The following GALNT10 variants were observed in gnomAD, a reference collection of about 807,000 sequenced individuals.
GALNT10 encodes polypeptide N-acetylgalactosaminyltransferase 10.
Under a neutral mutation model 75.0 loss-of-function variants are expected in GALNT10, and 41 were observed. The observed-to-expected ratio is 0.55, with a 90% confidence interval of 0.43 to 0.71. The LOEUF is 0.71. Among genes scored for constraint, GALNT10 ranks in the 30% least tolerant of loss-of-function variants. The probability of loss-of-function intolerance (pLI) is 0.00; values close to 1 mark genes in which losing one functional copy is unlikely to be tolerated. For synonymous variants in GALNT10, 302 were observed against 313.0 expected (o/e 0.96, Z 0.37); for missense variants, 727 against 818.5 (o/e 0.89, Z 1.36).
intron 4 of GALNT10, among the ~76,000 whole-genome samples, chr5:154,355,011 T>C (rs2113148237): frequency 6.6e-6 from 1 of 152,396 alleles, no homozygotes; most frequent in South Asian, 2.1e-4. Context: ...GTTGTGGTAC[T>C]GTTTGTGCAT....
intron 7 of GALNT10, among the ~76,000 whole-genome samples, chr5:154,398,121 A>G (rs1321360704): frequency 1.3e-5 from 2 of 152,238 alleles, no homozygotes; most frequent in Admixed American, 6.5e-5. Context: ...TGGTGCTTCT[A>G]TGAGAAGACT....
chr5:154,286,050 T>TC (rs1458325262), intron 1 of GALNT10, among the ~76,000 whole-genome samples: 2 of 152,150 alleles, frequency 1.3e-5, no homozygotes, highest in Non-Finnish European at 2.9e-5. Context: ...CTGGATCAGA[T>TC]CCCCCCAGTC....
chr5:154,197,970 C>T (rs1350978191), intron 1 of GALNT10, among the ~76,000 whole-genome samples: 2 of 152,154 alleles, frequency 1.3e-5, no homozygotes, highest in African/African-American at 2.4e-5. Context: ...ACCTGTCTTC[C>T]ACCCCTGCCC....
intron 1 of GALNT10, among the ~76,000 whole-genome samples, chr5:154,263,013 A>G (rs976538537): frequency 1.3e-5 from 2 of 152,152 alleles, no homozygotes; most frequent in African/African-American, 2.4e-5. Context: ...GTTGGCAAGG[A>G]CGTGGAGAAA....
intron 1 of GALNT10, among the ~76,000 whole-genome samples, chr5:154,226,375 A>C (rs1283080391): frequency 6.6e-6 from 1 of 152,070 alleles, no homozygotes; most frequent in Non-Finnish European, 1.5e-5. Flanking sequence ...ATTCTTTTAA[A>C]TTTCCTTCAG....
chr5:154,376,279 C>T lies in GALNT10; in HGVS notation c.571C>T (p.His191Tyr), dbSNP rs1220100969. The stretch of plus-strand genomic sequence containing the variant: ...TTCTGTCCTCTTCTGTCTCATAGAG[C>T]ACCTGAAGAAGCCTCTTGAAGACTA... Reference protein sequence around the residue: ...VLVDDFSDREHLKKPLEDYMA... With the variant: ...VLVDDFSDREYLKKPLEDYMA... The change falls in exon 5 of 12, where the codon CAC becomes TAC. Residue 191 changes from histidine to tyrosine, a missense_variant and splice_region_variant. Physicochemically the swap from His to Tyr is moderately conservative, Grantham distance 83 (BLOSUM62 2). Transcript: ENST00000297107. This position sits in a 1 kb window ranked among gnomAD's most constrained non-coding sequence, Gnocchi z 4.1. The T allele has an allele frequency of 2.5e-6, 4 of 1,601,324 alleles. No homozygotes were observed. The highest frequency in any genetic ancestry group is 3.4e-6 in the Non-Finnish European group (4 of 1,169,674).
chr5:154,229,650 G>A (rs1034164286), intron 1 of GALNT10, among the ~76,000 whole-genome samples: 13 of 152,044 alleles, frequency 8.6e-5, no homozygotes, highest in Admixed American at 4.6e-4. Context: ...GGAGAGTGGC[G>A]TGAACCCAGG....
intron 6 of GALNT10, 56 bp downstream of exon 6, chr5:154,380,687 A>G: frequency 2.5e-6 from 3 of 1,207,248 alleles, no homozygotes; most frequent in South Asian, 2.7e-5. Flanking sequence ...CACTCCCAAC[A>G]CGCACACAAC....
At chr5:154,398,738 G>A (rs56226096) in intron 7 of GALNT10, among the ~76,000 whole-genome samples, 2,389 of 152,222 alleles carry the variant, frequency 0.016, 72 homozygotes, top group African/African-American at 0.054. Flanking sequence ...CCTGCCCCCT[G>A]TTCCACAAAT....
chr5:154,217,364 T>C (rs1752891159), intron 1 of GALNT10, among the ~76,000 whole-genome samples: 1 of 151,944 alleles, frequency 6.6e-6, no homozygotes, highest in African/African-American at 2.4e-5. Flanking sequence ...TTGTGGAAAA[T>C]GGGAATTTTA....
chr5:154,328,205 A>G (rs900400770), intron 3 of GALNT10, among the ~76,000 whole-genome samples: 14 of 152,208 alleles, frequency 9.2e-5, no homozygotes, highest in African/African-American at 3.4e-4. Flanking sequence ...GAAAGACGTA[A>G]CATCAGGGAA....
chr5:154,333,822 C>T (rs1183410203), intron 4 of GALNT10, among the ~76,000 whole-genome samples: 2 of 152,228 alleles, frequency 1.3e-5, no homozygotes, highest in Non-Finnish European at 2.9e-5. Context: ...ACCTCACACC[C>T]TTCAGACTTG....
rs570164709 is a variant in GALNT10, at chr5:154,190,779, G to T, written c.-88G>T. ...CGCAGCCGCTTCTGCTGGCTGAGCT[G>T]CTGCCGCCGCCGGGCGGACGGGCGG... On this transcript the variant is annotated 5_prime_UTR_variant, in exon 1 of 12. Coordinates refer to ENST00000297107, the MANE Select transcript of GALNT10 (RefSeq NM_198321.4). The T allele has an allele frequency of 6.3e-4, 268 of 424,778 alleles. No individual in the cohort carries two copies. The highest frequency in any genetic ancestry group is 5.5e-3 in the African/African-American group (251 of 45,972). 26.3% of individuals were successfully genotyped at this position (424,778 alleles called of 1,614,324 possible).
chr5:154,321,922 T>C (rs1453088861), intron 3 of GALNT10, among the ~76,000 whole-genome samples: 1 of 152,186 alleles, frequency 6.6e-6, no homozygotes, highest in Non-Finnish European at 1.5e-5. Flanking sequence ...AGGGGTTTTG[T>C]ATGGAATCTT....
intron 3 of GALNT10, among the ~76,000 whole-genome samples, chr5:154,317,094 G>A (rs1368247744): frequency 4.6e-5 from 7 of 152,196 alleles, no homozygotes; most frequent in Admixed American, 4.6e-4. Context: ...GGCTCATCAT[G>A]GGATAGGAAC....
chr5:154,298,092 T>G lies in GALNT10; in HGVS notation c.401+13T>G. On this transcript the variant is annotated intron_variant, in intron 3 of 11. Transcript: ENST00000297107. The surrounding 1 kb of genome is among the most constrained non-coding windows in gnomAD (Gnocchi z 4.1). ...TCCGGCACCCAAAGTGAGTGTAACA[T>G]CTCTCAAATTCTGAGATCTAAGGAT... The G allele has an allele frequency of 6.2e-7, 1 of 1,608,630 alleles. No individual in the cohort carries two copies. Among genetic ancestry groups the G allele is most frequent in the Non-Finnish European group, 8.5e-7 (1 of 1,176,464 alleles).
At chr5:154,383,095 G>T (rs1454983241) in intron 6 of GALNT10, among the ~76,000 whole-genome samples, 1 of 152,182 alleles carries the variant, frequency 6.6e-6, no homozygotes, top group Non-Finnish European at 1.5e-5. Context: ...TGTGGCCATG[G>T]TTGGCAGTCA....
chr5:154,208,001 C>G (rs1194246072), intron 1 of GALNT10, among the ~76,000 whole-genome samples: 1 of 152,100 alleles, frequency 6.6e-6, no homozygotes, highest in Non-Finnish European at 1.5e-5. Flanking sequence ...GCAACCAGAC[C>G]AGACAAGGCA....
chr5:154,199,802 G>A (rs1043415542), intron 1 of GALNT10, among the ~76,000 whole-genome samples: 1 of 152,186 alleles, frequency 6.6e-6, no homozygotes, highest in Non-Finnish European at 1.5e-5. Flanking sequence ...GAACCAATGT[G>A]ACCTGATCCT....
Sources: allele counts gnomAD v4.1 joint callset (sites outside exome capture counted in the v4.1 genomes callset), GRCh38; gene constraint gnomAD v4.1.1; non-coding constraint Gnocchi (gnomAD v3.1); transcripts MANE v1.5; gene names NCBI Gene and HGNC (gene_info 2026-07-23, HGNC 2026-07-21).